The following SLC25A16 variants were observed in gnomAD, a reference collection of about 807,000 sequenced individuals.
SLC25A16 encodes solute carrier family 25 member 16.
A neutral mutation model predicts 41.5 loss-of-function variants in SLC25A16; 39 were observed. That is an observed-to-expected ratio of 0.94 (90% CI 0.73 to 1.23). The LOEUF (loss-of-function observed/expected upper bound fraction) is 1.23. Ranked by LOEUF, SLC25A16 falls within the 50% of genes most tolerant of loss-of-function variation. The probability of loss-of-function intolerance (pLI) is 0.00; values close to 1 mark genes in which losing one functional copy is unlikely to be tolerated. For synonymous variants in SLC25A16, 146 were observed against 147.8 expected (o/e 0.99, Z 0.09); for missense variants, 421 against 426.9 (o/e 0.99, Z 0.12).
chr10:68,512,983 G>A (rs931335674), intron 2 of SLC25A16, among the ~76,000 whole-genome samples: 4 of 152,078 alleles, frequency 2.6e-5, no homozygotes, highest in South Asian at 2.1e-4. Flanking sequence ...AGTTTGCAGC[G>A]AGTTGAGATT....
rs2052506817 is a variant in SLC25A16, at chr10:68,483,297, A to C, written c.*135T>G. 4.1e-5 allele frequency: 24 copies of C among 588,806 alleles called. No homozygotes were observed. Among genetic ancestry groups the C allele is most frequent in the Non-Finnish European group, 6.1e-5 (21 of 344,796 alleles). The allele number at this position is 588,806 out of a possible 1,614,324, so 36.5% of individuals were successfully genotyped here. On this transcript the variant is annotated 3_prime_UTR_variant, in exon 9 of 9. Transcript: ENST00000609923. ...CTGATTTGTGACTAAAGAAAAAATA[A>C]TCAAGTACTAAAATACCAGTGGCTC... is the stretch of plus-strand genomic sequence containing the variant.
rs188774547 is a variant in SLC25A16 at position 68,482,163 on chromosome 10, G to A, written c.*1269C>T. Reference sequence around the variant, plus strand: ...GAACCCGGGAGGCAGAGGTTGCAGTGAGCTGAGATCGCGCCACTGCACTCC... The same window carrying A: ...GAACCCGGGAGGCAGAGGTTGCAGTAAGCTGAGATCGCGCCACTGCACTCC... On this transcript the variant is annotated 3_prime_UTR_variant, in exon 9 of 9. Transcript: ENST00000609923. 4.6e-5 allele frequency: 7 copies of A among 151,506 alleles called. No individual in the cohort carries two copies. Among genetic ancestry groups the A allele is most frequent in the Non-Finnish European group, 7.4e-5 (5 of 67,982 alleles). The allele number at this position is 151,506 out of a possible 1,614,324, so 9.4% of individuals were successfully genotyped here.
chr10:68,505,528 A>G (rs1029920662), intron 3 of SLC25A16, among the ~76,000 whole-genome samples: 1 of 150,814 alleles, frequency 6.6e-6, no homozygotes, highest in Non-Finnish European at 1.5e-5. Context: ...AATCCCAAGA[A>G]TTTGGGAGGC....
At chr10:68,507,545 T>C (rs1219707540) in intron 2 of SLC25A16, among the ~76,000 whole-genome samples, 1 of 152,124 alleles carries the variant, frequency 6.6e-6, no homozygotes, top group African/African-American at 2.4e-5. Context: ...TAGGACACTT[T>C]AGGAATAATG....
In SLC25A16 at chr10:68,488,650, T is replaced by C. The variant is rs190905031; in HGVS notation, c.611-21A>G. 5.0e-4 allele frequency: 790 copies of C among 1,593,244 alleles called. 3 individuals are homozygous for C. In the African/African-American group the frequency reaches 9.4e-3, roughly 19 times the overall value. ...AACACCTGAAAAACAAAAAATAAAT[T>C]CACCATGATGCTTAACATAACATGA... On this transcript the variant is annotated intron_variant, in intron 6 of 8. Transcript: ENST00000609923.
At chr10:68,525,808 AC>A (rs1409797007) in intron 1 of SLC25A16, among the ~76,000 whole-genome samples, 1 of 151,904 alleles carries the variant, frequency 6.6e-6, no homozygotes, top group East Asian at 1.9e-4. Flanking sequence ...CTTACCCCCA[AC>A]CCCGTGCTCT....
At chr10:68,510,053 G>A (rs1235632914) in intron 2 of SLC25A16, among the ~76,000 whole-genome samples, 1 of 151,700 alleles carries the variant, frequency 6.6e-6, no homozygotes, top group Non-Finnish European at 1.5e-5. Flanking sequence ...CTCTAGCCTG[G>A]GTAACAGAGC....
intron 4 of SLC25A16, among the ~76,000 whole-genome samples, chr10:68,500,971 G>T (rs527827324): frequency 6.6e-6 from 1 of 150,704 alleles, no homozygotes; most frequent in South Asian, 2.1e-4. Context: ...TGATATACAG[G>T]ATGCGTGCGG....
intron 4 of SLC25A16, among the ~76,000 whole-genome samples, chr10:68,495,491 A>T (rs1425037014): frequency 6.6e-6 from 1 of 151,140 alleles, no homozygotes; most frequent in Non-Finnish European, 1.5e-5. Flanking sequence ...TTAAAAGAGT[A>T]TATACTCTAG....
intron 8 of SLC25A16, among the ~76,000 whole-genome samples, chr10:68,485,512 T>C (rs1328956178): frequency 6.6e-6 from 1 of 151,266 alleles, no homozygotes; most frequent in Non-Finnish European, 1.5e-5. Flanking sequence ...GCCTCCTGAG[T>C]AGCTGGTATG....
intron 6 of SLC25A16, among the ~76,000 whole-genome samples, chr10:68,492,660 CA>C (rs2133510204): frequency 6.6e-6 from 1 of 151,424 alleles, no homozygotes; most frequent in South Asian, 2.1e-4. Flanking sequence ...CCAGCTTGGG[CA>C]ACAAGAGCGA....
intron 2 of SLC25A16, among the ~76,000 whole-genome samples, chr10:68,514,793 A>G (rs1191794664): frequency 6.6e-6 from 1 of 151,834 alleles, no homozygotes; most frequent in Admixed American, 6.6e-5. Flanking sequence ...GCTGGAGTGC[A>G]ATGGCTTGAT....
Position 68,487,139 on chromosome 10 carries a change from C to T in SLC25A16, c.842+5G>A. ...AAAATGAACAATGACATATGATGAA[C>T]TTACAGGCACTTTTCAAATTCCGGC... is the stretch of plus-strand genomic sequence containing the variant. On this transcript the variant is annotated splice_donor_5th_base_variant and intron_variant, in intron 8 of 8. Coordinates refer to ENST00000609923, the MANE Select transcript of SLC25A16 (RefSeq NM_152707.4). 1 of 1,609,872 alleles carries T rather than the reference C, an allele frequency of 6.2e-7. No individual in the cohort carries two copies. Among genetic ancestry groups the T allele is most frequent in the Admixed American group, 1.7e-5 (1 of 59,944 alleles).
intron 2 of SLC25A16, among the ~76,000 whole-genome samples, chr10:68,515,548 C>T (rs1160357716): frequency 6.6e-6 from 1 of 151,976 alleles, no homozygotes; most frequent in African/African-American, 2.4e-5. Context: ...CCTATAATCC[C>T]AGCACTTTGG....
At chr10:68,514,434 T>A (rs2053123867) in intron 2 of SLC25A16, among the ~76,000 whole-genome samples, 1 of 152,028 alleles carries the variant, frequency 6.6e-6, no homozygotes, top group Non-Finnish European at 1.5e-5. Context: ...AGGCGGAGGT[T>A]GCAGTGAGCA....
At chr10:68,499,631 C>A in intron 4 of SLC25A16, 1 of 345,972 alleles carries the variant, frequency 2.9e-6, no homozygotes, top group Non-Finnish European at 5.7e-6. Context: ...GTCTTCCCCT[C>A]TTTCCAAAGA....
rs201275693 is a variant in SLC25A16 at position 68,486,235 on chromosome 10, A to AC, written c.842+908_842+909insG. Among the ~76,000 whole-genome samples the AC allele has an allele frequency of 2.4e-4, 35 of 147,676 alleles. No homozygotes were observed. The East Asian group carries it at 2.5e-3, about 10-fold the overall frequency. ...CTTTGTCTCAAAAAAACAAAACAAAAAAAAAAAAAAAACACAACCTCTAAA... is the reference window on the plus strand; with the variant it reads ...CTTTGTCTCAAAAAAACAAAACAAAACAAAAAAAAAAAACACAACCTCTAAA... On this transcript the variant is annotated intron_variant, in intron 8 of 8. Transcript: ENST00000609923.
chr10:68,493,381 T>G, intron 5 of SLC25A16, 68 bp downstream of exon 5: 1 of 1,352,528 alleles, frequency 7.4e-7, no homozygotes, highest in East Asian at 2.3e-5. Flanking sequence ...ATTACTTATA[T>G]GACATTCAAA....
chr10:68,512,934 G>A (rs2053092628), intron 2 of SLC25A16, among the ~76,000 whole-genome samples: 1 of 152,150 alleles, frequency 6.6e-6, no homozygotes, highest in African/African-American at 2.4e-5. Flanking sequence ...AGCCACTAGG[G>A]AGGCTGAGGC....
Sources: gnomAD v4.1 joint callset for allele counts (sites outside exome capture counted in the v4.1 genomes callset) on GRCh38, gnomAD v4.1.1 for gene constraint, MANE v1.5 for transcripts, NCBI Gene and HGNC (gene_info 2026-07-23, HGNC 2026-07-21) for gene names.